Variants in LAP3 observed in about 807,000 individuals in gnomAD.
The protein encoded by LAP3 is cytosol aminopeptidase.
Under a neutral mutation model 58.8 loss-of-function variants are expected in LAP3, and 46 were observed. The ratio of observed to expected loss-of-function variants is 0.78; its 90% CI spans 0.62 to 1.00. LAP3 has a LOEUF of 1.00. Among genes scored for constraint, LAP3 ranks in the 50% least tolerant of loss-of-function variants. LAP3 has a pLI of 0.00. For missense variants in LAP3, 615 were observed against 659.1 expected (o/e 0.93, Z 0.73); for synonymous variants, 257 against 237.7 (o/e 1.08, Z -0.75).
chr4:17,607,481 C>T lies in LAP3; in HGVS notation c.1452C>T (p.Gly484=), dbSNP rs767900822. ...AGTGGGCACATTTAGACATAGCAGG[C>T]GTGATGACCAACAAAGATGAAGTTC... is the stretch of plus-strand genomic sequence containing the variant. The part of the protein sequence containing the change: ...HPKWAHLDIA[G]VMTNKDEVPY... The change falls in exon 13 of 13, where the codon GGC becomes GGT. Residue 484 remains glycine (G), a synonymous_variant. Coordinates refer to ENST00000226299, the MANE Select transcript of LAP3 (RefSeq NM_015907.3). 3.9e-5 allele frequency: 63 copies of T among 1,613,936 alleles called. No individual in the cohort carries two copies. The highest frequency in any genetic ancestry group is 2.1e-4 in the South Asian group (19 of 91,072).
chr4:17,577,618 G>C (rs748729480), intron 1 of LAP3, 51 bp downstream of exon 1: 1 of 1,386,214 alleles, frequency 7.2e-7, no homozygotes, highest in Admixed American at 2.2e-5. Context: ...CTGCCCGTGG[G>C]CTACTGGGGC....
rs1560341345 is a variant in LAP3 at position 17,581,747 on chromosome 4, C to T, written c.219-13C>T. On this transcript the variant is annotated splice_polypyrimidine_tract_variant and intron_variant, in intron 2 of 12. Coordinates refer to ENST00000226299, the MANE Select transcript of LAP3 (RefSeq NM_015907.3). The stretch of plus-strand genomic sequence containing the variant: ...AATACTTGTTTTAAAACGACTATTT[C>T]CTCTTGTTTTAGATCTGGACCACCT... 1.2e-6 allele frequency: 2 copies of T among 1,611,224 alleles called. No homozygotes were observed. The highest frequency in any genetic ancestry group is 1.7e-5 in the Admixed American group (1 of 59,812).
rs1004107970 is a variant in LAP3, at chr4:17,577,436, G to T, written c.-30G>T. ...CCCACCGCTCTCCACGTGCTCGCTG[G>T]AGGGCGGTGCGAGGGGCCGAGCCGA... On this transcript the variant is annotated 5_prime_UTR_variant, in exon 1 of 13. Transcript: ENST00000226299. 2.0e-6 allele frequency: 3 copies of T among 1,514,832 alleles called. No homozygotes were observed. Among genetic ancestry groups the T allele is most frequent in the Admixed American group, 2.0e-5 (1 of 48,914 alleles). The allele number at this position is 1,514,832 out of a possible 1,614,324, so 93.8% of individuals were successfully genotyped here.
In LAP3 at chr4:17,604,437, AGTAT is replaced by A. The variant is rs1403633997; in HGVS notation, c.1181-147_1181-144del. The stretch of plus-strand genomic sequence containing the variant: ...GCCTGAAAAACATAAAAATATGTTA[AGTAT>A]GTACAGGAAAGATTTCCTAAGCTTA... On this transcript the variant is annotated intron_variant, in intron 10 of 12. Transcript: ENST00000226299. 16 of 543,108 alleles carry A rather than the reference AGTAT, an allele frequency of 2.9e-5. No homozygotes were observed. In the East Asian group the frequency reaches 4.6e-4, roughly 16 times the overall value. The allele number at this position is 543,108 out of a possible 1,614,324, so 33.6% of individuals were successfully genotyped here.
intron 11 of LAP3, among the ~76,000 whole-genome samples, chr4:17,605,746 C>T (rs902880693): frequency 2.0e-5 from 3 of 152,078 alleles, no homozygotes; most frequent in Non-Finnish European, 2.9e-5. Flanking sequence ...CCCACATAAC[C>T]GTTATCCCTC....
At position 17,599,705 on chromosome 4, in the gene LAP3, CT is replaced by C. The variant is rs1265919721; in HGVS notation, c.1180+1162del. Reference sequence around the variant, plus strand: ...TACCCTCTGAGCTTTCAGAGCTTTACTTTTTTTTTTTTTTTCTTCTGGAACT... The same window carrying C: ...TACCCTCTGAGCTTTCAGAGCTTTACTTTTTTTTTTTTTTCTTCTGGAACT... On this transcript the variant is annotated intron_variant, in intron 10 of 12. Transcript: ENST00000226299. Among the ~76,000 whole-genome samples, 475 of 136,710 alleles carry C rather than the reference CT, an allele frequency of 3.5e-3. 7 individuals carry two copies. Among genetic ancestry groups the C allele is most frequent in the East Asian group, 1.4e-3 (7 of 4,872 alleles). The allele number at this position is 136,710 out of a possible 152,430, so 89.7% of individuals were successfully genotyped here.
At chr4:17,578,040 G>A (rs1441099134) in intron 1 of LAP3, among the ~76,000 whole-genome samples, 3 of 152,246 alleles carry the variant, frequency 2.0e-5, no homozygotes, top group Non-Finnish European at 4.4e-5. Context: ...TGCCTCTCTA[G>A]AGAAAAGGGC....
rs752954654 is a variant in LAP3 at position 17,607,381 on chromosome 4, TTTTTGTC to T, written c.1371-15_1371-9del. 3.7e-6 allele frequency: 6 copies of T among 1,603,920 alleles called. No homozygotes were observed. Among genetic ancestry groups the T allele is most frequent in the Non-Finnish European group, 5.1e-6 (6 of 1,175,674 alleles). ...ACATTTACATGGGGTTGTAAAGTGC[TTTTTGTC>T]TTTCTCTTCAGATCTGCAGGAGCAT... is the stretch of plus-strand genomic sequence containing the variant. On this transcript the variant is annotated splice_polypyrimidine_tract_variant and intron_variant, in intron 12 of 12. Transcript: ENST00000226299.
chr4:17,581,216 A>G (rs1021538973), intron 2 of LAP3, among the ~76,000 whole-genome samples: 2 of 152,214 alleles, frequency 1.3e-5, no homozygotes, highest in Non-Finnish European at 2.9e-5. Flanking sequence ...ACAACCTCCA[A>G]GCCAACCACC....
chr4:17,604,762 A>AT, intron 11 of LAP3, 95 bp downstream of exon 11: 1 of 925,386 alleles, frequency 1.1e-6, no homozygotes, highest in East Asian at 2.6e-5. Context: ...TGTTAAAGTG[A>AT]TTTTTATGCC....
intron 4 of LAP3, 55 bp downstream of exon 4, chr4:17,582,448 C>T: frequency 7.4e-7 from 1 of 1,343,152 alleles, no homozygotes; most frequent in Non-Finnish European, 1.0e-6. Context: ...TTTTGATGAC[C>T]TCTCTTTCCC....
At chr4:17,582,875 G>A (rs1389608285) in intron 4 of LAP3, among the ~76,000 whole-genome samples, 3 of 152,190 alleles carry the variant, frequency 2.0e-5, no homozygotes, top group Admixed American at 6.5e-5. Context: ...GCAGCAGGAC[G>A]GGCCTAATAC....
intron 10 of LAP3, among the ~76,000 whole-genome samples, chr4:17,600,493 C>T (rs910099393): frequency 3.3e-5 from 5 of 152,096 alleles, no homozygotes; most frequent in Admixed American, 6.5e-5. Flanking sequence ...ACATCAGATA[C>T]GTCAAGTTCT....
chr4:17,583,583 T>G lies in LAP3; in HGVS notation c.480T>G (p.Tyr160Ter), dbSNP rs1713422573. The change falls in exon 5 of 13, where the codon TAT becomes TAG. Residue 160 changes from tyrosine to a stop codon, truncating the protein, a stop_gained. Coordinates refer to ENST00000226299, the MANE Select transcript of LAP3 (RefSeq NM_015907.3). LOFTEE classifies it high-confidence loss of function. Reference sequence around the variant, plus strand: ...CGGAGGGAGCGGTGCTTGGTCTCTATGAATACGATGACCTAAAGCAAAAAA... The same window carrying G: ...CGGAGGGAGCGGTGCTTGGTCTCTAGGAATACGATGACCTAAAGCAAAAAA... ...AAAEGAVLGL[Y>*]EYDDLKQKKK... is the part of the protein sequence containing the mutation. The G allele has an allele frequency of 6.2e-7, 1 of 1,614,108 alleles. No individual in the cohort carries two copies. Among genetic ancestry groups the G allele is most frequent in the Non-Finnish European group, 8.5e-7 (1 of 1,180,024 alleles).
rs116886636 is a variant in LAP3, at chr4:17,585,509, C to G, written c.704+373C>G. The G allele has an allele frequency of 1.1e-3, 176 of 162,810 alleles. No homozygotes were observed. The East Asian group carries it at 0.024, about 22-fold the overall frequency. The allele number at this position is 162,810 out of a possible 1,614,324, so 10.1% of individuals were successfully genotyped here. On this transcript the variant is annotated intron_variant, in intron 6 of 12. Transcript: ENST00000226299. ...TGGAGGGCAGAGGCATGAACATGGG[C>G]TCAATTTCCTGGGCTCAGGCCTCCC... is the stretch of plus-strand genomic sequence containing the variant.
chr4:17,583,766 A>G (rs554606910), intron 5 of LAP3, 124 bp downstream of exon 5: 17 of 968,644 alleles, frequency 1.8e-5, no homozygotes, highest in East Asian at 7.3e-5. Flanking sequence ...TGACCTCCCC[A>G]TTGCCTCAGC....
intron 6 of LAP3, chr4:17,585,360 A>G: frequency 2.5e-6 from 1 of 395,234 alleles, no homozygotes. Context: ...ATGTATGTGT[A>G]TATTTCATAA....
At chr4:17,599,533 T>G (rs895668790) in intron 10 of LAP3, among the ~76,000 whole-genome samples, 4 of 150,328 alleles carry the variant, frequency 2.7e-5, no homozygotes, top group African/African-American at 1.0e-4. Context: ...AGACTCCCTC[T>G]TAAAAAATAA....
chr4:17,595,378 C>T (rs1292312818), intron 7 of LAP3, 32 bp from the exon 8 acceptor site: 1 of 1,609,082 alleles, frequency 6.2e-7, no homozygotes, highest in East Asian at 2.2e-5. Context: ...CTTCTTTGCT[C>T]TTAATATTGC....
Sources: allele counts gnomAD v4.1 joint callset (sites outside exome capture counted in the v4.1 genomes callset), GRCh38; gene constraint gnomAD v4.1.1; transcripts MANE v1.5; gene names NCBI Gene and HGNC (gene_info 2026-07-23, HGNC 2026-07-21).